Variants in HDX observed in about 807,000 individuals in gnomAD.
The protein encoded by HDX is chromosome X open reading frame 43.
In HDX, 19 loss-of-function variants were observed where a neutral mutation model predicts 45.2. The observed-to-expected ratio is 0.42, with a 90% CI of 0.29 to 0.62. The LOEUF (loss-of-function observed/expected upper bound fraction) is 0.62. HDX is among the 20% of genes least tolerant of loss of function. The pLI is 0.20. For synonymous variants in HDX, 188 were observed against 172.8 expected (o/e 1.09, Z -0.69); for missense variants, 532 against 493.9 (o/e 1.08, Z -0.73).
chrX:84,426,172 C>T (rs1311204938), intron 5 of HDX, among the ~76,000 whole-genome samples: 1 of 110,255 alleles, frequency 9.1e-6, no homozygotes, highest in African/African-American at 3.3e-5. Context: ...TCACAAGTGG[C>T]GTGTATGTGG....
At chrX:84,415,431 T>G (rs1216136476) in intron 5 of HDX, among the ~76,000 whole-genome samples, 2 of 111,545 alleles carry the variant, frequency 1.8e-5, no homozygotes, top group Non-Finnish European at 3.8e-5. Context: ...TTGGTTCCTG[T>G]TTTTCCACAC....
intron 7 of HDX, 124 bp from the exon 8 acceptor site, chrX:84,337,004 C>A: frequency 2.2e-6 from 1 of 464,253 alleles, no homozygotes; most frequent in Non-Finnish European, 3.6e-6. Flanking sequence ...TCATTTCACA[C>A]GTTTGATGAG....
chrX:84,403,234 A>C (rs1337051176), intron 5 of HDX, among the ~76,000 whole-genome samples: 1 of 68,021 alleles, frequency 1.5e-5, no homozygotes, highest in East Asian at 4.4e-4. Context: ...AGCATTAAAC[A>C]TTCTAAATCT....
At position 84,318,732 on chromosome X, in the gene HDX, T is replaced by C. The variant is rs1294726198; in HGVS notation, c.*3157A>G. 1 of 111,415 alleles carries C rather than the reference T, an allele frequency of 9.0e-6. No homozygotes were observed. The highest frequency in any genetic ancestry group is 1.9e-5 in the Non-Finnish European group (1 of 52,633). The allele number at this position is 111,415 out of a possible 1,213,427, so 9.2% of individuals were successfully genotyped here. A position where few individuals can be genotyped will look rare whatever the true frequency, so the allele number is the denominator to read the frequency against. ...GGCTTCTTTGACATCTTTTGAGGTC[T>C]TGGTCGAATAAAGAGTACAGGGTAT... On this transcript the variant is annotated 3_prime_UTR_variant, in exon 11 of 11. Coordinates refer to ENST00000373177, the MANE Select transcript of HDX (RefSeq NM_001177479.2).
intron 4 of HDX, among the ~76,000 whole-genome samples, chrX:84,443,799 A>G (rs903410764): frequency 8.9e-6 from 1 of 112,176 alleles, no homozygotes; most frequent in African/African-American, 3.2e-5. Context: ...AGAACTTCAA[A>G]AACTTTTGAC....
intron 4 of HDX, among the ~76,000 whole-genome samples, chrX:84,463,028 T>C (rs2040272532): frequency 9.0e-6 from 1 of 110,878 alleles, no homozygotes; most frequent in South Asian, 3.8e-4. Flanking sequence ...GGATAGGGGA[T>C]GCCGTGTGCT....
In HDX at chrX:84,334,058, T is replaced by C. The variant is rs922773487; in HGVS notation, c.1741-216A>G. 2.7e-5 allele frequency among the ~76,000 whole-genome samples: 3 copies of C among 110,990 alleles called. No individual in the cohort carries two copies. The Admixed American group carries it at 2.9e-4, about 11-fold the overall frequency. Reference sequence around the variant, plus strand: ...ATGACTGCTTGTTAAATAAAAAAATTAATACTATTTAAAATAGAAAATGTC... The same window carrying C: ...ATGACTGCTTGTTAAATAAAAAAATCAATACTATTTAAAATAGAAAATGTC... On this transcript the variant is annotated intron_variant, in intron 8 of 10. Transcript: ENST00000373177.
intron 2 of HDX, 26 bp from the exon 3 acceptor site, chrX:84,475,423 A>G: frequency 1.0e-6 from 1 of 991,030 alleles, no homozygotes; most frequent in Non-Finnish European, 1.4e-6. Context: ...GATACTCTGA[A>G]AATTGGAATA....
At position 84,344,366 on chromosome X, in the gene HDX, G is replaced by C. The variant is rs754105704; in HGVS notation, c.1544C>G (p.Pro515Arg). ...GAGTGCAGATAAAGAACCAGACTCA[G>C]GCTGCTCAGAGAAATCAGCAGGGCC... ...RGGPADFSEQPESGSLSALTP... is the reference protein window; with the variant it reads ...RGGPADFSEQRESGSLSALTP... The change falls in exon 7 of 11, where the codon CCT (proline) becomes CGT (arginine). Residue 515 changes from proline (P) to arginine (R), a missense_variant. Pro to Arg is a moderately radical substitution (Grantham distance 103). Transcript: ENST00000373177. 2.5e-6 allele frequency: 3 copies of C among 1,205,579 alleles called. No individual in the cohort carries two copies. Among genetic ancestry groups the C allele is most frequent in the Admixed American group, 4.4e-5 (2 of 45,804 alleles).
Position 84,370,060 on chromosome X carries a change from C to A in HDX, c.1306-8448G>T, listed in dbSNP as rs186485023. Reference sequence around the variant, plus strand: ...CAGTAGACTGAGTTAAGTAGATTGCCCTTCCTAATGTGAATGGGCCTCATC... The same window carrying A: ...CAGTAGACTGAGTTAAGTAGATTGCACTTCCTAATGTGAATGGGCCTCATC... On this transcript the variant is annotated intron_variant, in intron 5 of 10. Transcript: ENST00000373177. 9.9e-5 allele frequency among the ~76,000 whole-genome samples: 11 copies of A among 111,628 alleles called. No homozygotes were observed. The Admixed American group carries it at 1.0e-3, about 11-fold the overall frequency.
At chrX:84,341,432 AAGAG>A (rs976531084) in intron 7 of HDX, among the ~76,000 whole-genome samples, 3 of 110,384 alleles carry the variant, frequency 2.7e-5, no homozygotes. Flanking sequence ...AATGTTAAGA[AAGAG>A]AGAGAGAGAG....
intron 8 of HDX, among the ~76,000 whole-genome samples, chrX:84,334,870 C>T (rs1177607210): frequency 9.1e-6 from 1 of 110,273 alleles, no homozygotes; most frequent in Non-Finnish European, 1.9e-5. Context: ...ATGTTGTAGG[C>T]AGAATTTGAA....
chrX:84,480,487 T>C (rs898493904), intron 2 of HDX, among the ~76,000 whole-genome samples: 6 of 111,702 alleles, frequency 5.4e-5, no homozygotes, highest in Non-Finnish European at 1.1e-4. Flanking sequence ...AGGTTTTTCA[T>C]ACATGCCTCT....
Position 84,468,492 on chromosome X carries a change from G to C in HDX, c.1231C>G (p.Gln411Glu). 1 of 1,154,801 alleles carries C rather than the reference G, an allele frequency of 8.7e-7. No individual in the cohort carries two copies. The highest frequency in any genetic ancestry group is 1.2e-6 in the Non-Finnish European group (1 of 857,011). The change falls in exon 4 of 11, where the codon CAA (glutamine) becomes GAA (glutamate). Residue 411 changes from glutamine to glutamate, a missense_variant. Physicochemically the swap from Gln to Glu is conservative, Grantham distance 29 (BLOSUM62 2). Around this residue, in one of 3 missense-constraint regions of HDX, gnomAD observed 376 missense variants for 343.7 expected, o/e 1.09. Coordinates refer to ENST00000373177, the MANE Select transcript of HDX (RefSeq NM_001177479.2). ...FASSNQLRLS[Q>E]NQNNYQISGN... ...ATTACCTGGTAATTGTTTTGGTTTT[G>C]TGATAATCTCAATTGGTTTGATGAT...
intron 5 of HDX, among the ~76,000 whole-genome samples, chrX:84,398,852 A>T (rs2038629608): frequency 8.9e-6 from 1 of 111,857 alleles, no homozygotes; most frequent in African/African-American, 3.3e-5. Flanking sequence ...AATAACTGAA[A>T]TCATAAAAAA....
intron 5 of HDX, among the ~76,000 whole-genome samples, chrX:84,400,131 C>G (rs866921867): frequency 9.2e-6 from 1 of 108,864 alleles, no homozygotes; most frequent in African/African-American, 3.3e-5. Flanking sequence ...AAAGCTGGAA[C>G]CTTTGAAAAC....
intron 4 of HDX, among the ~76,000 whole-genome samples, chrX:84,449,241 C>T (rs1360724656): frequency 9.0e-6 from 1 of 111,138 alleles, no homozygotes; most frequent in Non-Finnish European, 1.9e-5. Context: ...CAATAAAAAA[C>T]CTATTTAGTT....
At chrX:84,444,260 G>A (rs894650266) in intron 4 of HDX, among the ~76,000 whole-genome samples, 3 of 111,218 alleles carry the variant, frequency 2.7e-5, no homozygotes, top group Non-Finnish European at 5.7e-5. Flanking sequence ...ATCATGAATG[G>A]CAAAGTGCAT....
At chrX:84,471,580 C>T (rs1287243897) in intron 3 of HDX, among the ~76,000 whole-genome samples, 1 of 109,065 alleles carries the variant, frequency 9.2e-6, no homozygotes, top group Non-Finnish European at 1.9e-5. Context: ...TCAATTCTAC[C>T]TCACCTGAAA....
Sources: gnomAD v4.1 joint callset for allele counts (sites outside exome capture counted in the v4.1 genomes callset) on GRCh38, gnomAD v4.1.1 for gene constraint, gnomAD v4.1.1 regional missense constraint, MANE v1.5 for transcripts, NCBI Gene and HGNC (gene_info 2026-07-23, HGNC 2026-07-21) for gene names.